The following HPSE2 variants were observed in gnomAD, a reference collection of about 807,000 sequenced individuals.
HPSE2 encodes heparanase 2 (inactive).
In HPSE2, 38 loss-of-function variants were observed where a neutral mutation model predicts 60.5. That is an observed-to-expected ratio of 0.63 (90% confidence interval 0.48 to 0.82). The LOEUF is 0.82. Ranked by LOEUF, HPSE2 falls within the 40% of genes least tolerant of loss-of-function variation. HPSE2 has a pLI of 0.00. For synonymous variants in HPSE2, 295 were observed against 293.2 expected, an observed-to-expected ratio of 1.01 and a Z score of -0.06; for missense variants, 713 against 740.4, an observed-to-expected ratio of 0.96 and a Z score of 0.43.
At chr10:99,251,862 CAAAAAAAAAAAA>C in the HPSE2 span, among the ~76,000 whole-genome samples, 5 of 57,288 alleles carry the variant, frequency 8.7e-5, no homozygotes, top group Non-Finnish European at 1.7e-4. Context: ...CTCTCTCTAC[CAAAAAAAAAAAA>C]AAAAAAAAAA....
At chr10:99,226,613 A>C (rs931108296) in intron 2 of HPSE2, among the ~76,000 whole-genome samples, 2 of 152,018 alleles carry the variant, frequency 1.3e-5, no homozygotes, top group African/African-American at 4.8e-5. Flanking sequence ...TGATAAAATG[A>C]TATCTGTCAA....
At position 98,938,614 on chromosome 10, in the gene HPSE2, G is replaced by A. The variant is rs1243116726; in HGVS notation, c.611-194558C>T. Among the ~76,000 whole-genome samples the A allele has an allele frequency of 2.8e-5, 4 of 144,074 alleles. 1 individual carries two copies. Among genetic ancestry groups the A allele is most frequent in the Admixed American group, 6.9e-5 (1 of 14,498 alleles). 94.5% of individuals were successfully genotyped at this position (144,074 alleles called of 152,430 possible). On this transcript the variant is annotated intron_variant, in intron 3 of 11. Transcript: ENST00000370552. The stretch of plus-strand genomic sequence containing the variant: ...AAGACCAAATCTACGTCTGATTGGT[G>A]TACCTGAAAGTGAGGGGGAGAATGC...
chr10:98,483,657 GC>G (rs1293789793), intron 10 of HPSE2, among the ~76,000 whole-genome samples: 1 of 152,132 alleles, frequency 6.6e-6, no homozygotes, highest in Non-Finnish European at 1.5e-5. Flanking sequence ...AGTGGACATG[GC>G]AAAAACCTCT....
intron 3 of HPSE2, among the ~76,000 whole-genome samples, chr10:99,109,291 G>A (rs1844366999): frequency 2.0e-5 from 3 of 152,050 alleles, no homozygotes. Flanking sequence ...AACAGCCTCA[G>A]TTTATCTACC....
intron 2 of HPSE2, among the ~76,000 whole-genome samples, chr10:99,209,325 A>G (rs996566518): frequency 2.6e-5 from 4 of 152,214 alleles, no homozygotes; most frequent in Non-Finnish European, 5.9e-5. Context: ...ACTAGAAACC[A>G]GTAACAGGAA....
chr10:98,896,850 T>C lies in HPSE2; in HGVS notation c.611-152794A>G, dbSNP rs1042050679. On this transcript the variant is annotated intron_variant, in intron 3 of 11. Coordinates refer to ENST00000370552, the MANE Select transcript of HPSE2 (RefSeq NM_021828.5). ...CTGTGACCACAAATTTGGTAACTTA[T>C]ATGAAATGGATCAATTCCTCAGAAG... Among the ~76,000 whole-genome samples, 6 of 152,192 alleles carry C rather than the reference T, an allele frequency of 3.9e-5. No homozygotes were observed. The South Asian group carries it at 6.2e-4, about 16-fold the overall frequency.
intron 3 of HPSE2, among the ~76,000 whole-genome samples, chr10:98,763,660 A>T (rs920027566): frequency 1.3e-5 from 2 of 151,986 alleles, no homozygotes; most frequent in Non-Finnish European, 2.9e-5. Context: ...TTATATATTT[A>T]TCATAAGAAA....
chr10:98,738,177 A>G (rs575116115), intron 4 of HPSE2, among the ~76,000 whole-genome samples: 283 of 152,266 alleles, frequency 1.9e-3, no homozygotes, highest in African/African-American at 6.7e-3. Flanking sequence ...AAATAACACC[A>G]CACATTTACA....
intron 5 of HPSE2, among the ~76,000 whole-genome samples, chr10:98,702,040 G>T (rs921496949): frequency 6.6e-6 from 1 of 152,064 alleles, no homozygotes; most frequent in African/African-American, 2.4e-5. Context: ...AAGACCCATT[G>T]GTGTGCTGTA....
intron 2 of HPSE2, among the ~76,000 whole-genome samples, chr10:99,144,901 G>A (rs1046615125): frequency 2.7e-5 from 4 of 149,550 alleles, no homozygotes; most frequent in African/African-American, 4.8e-5. Context: ...TAGAGCTGCC[G>A]ATCTATGGCT....
chr10:99,235,661 G>GC lies in HPSE2; in HGVS notation c.141dup (p.Pro48AlafsTer17). ...TTCAAACCTGCAGCTCTGTCTACAG[G>GC]CAAGGGTCTCCTGTCTCCAGCCTGG... is the stretch of plus-strand genomic sequence containing the variant. On this transcript the variant is annotated frameshift_variant, in exon 1 of 12. Coordinates refer to ENST00000370552, the MANE Select transcript of HPSE2 (RefSeq NM_021828.5). LOFTEE classifies it high-confidence loss of function. 1 of 1,614,040 alleles carries GC rather than the reference G, an allele frequency of 6.2e-7. No individual in the cohort carries two copies. Among genetic ancestry groups the GC allele is most frequent in the South Asian group, 1.1e-5 (1 of 91,060 alleles).
At chr10:99,045,121 C>T (rs1337851909) in intron 3 of HPSE2, among the ~76,000 whole-genome samples, 1 of 152,094 alleles carries the variant, frequency 6.6e-6, no homozygotes, top group African/African-American at 2.4e-5. Context: ...AGTCATAAAC[C>T]AAACTTCAAT....
chr10:98,614,299 T>G (rs1459711685), intron 9 of HPSE2, among the ~76,000 whole-genome samples: 1 of 151,404 alleles, frequency 6.6e-6, no homozygotes, highest in African/African-American at 2.4e-5. Flanking sequence ...TTGTTTTGTT[T>G]TTTTTTTTTT....
At chr10:99,102,542 C>G (rs1475831099) in intron 3 of HPSE2, among the ~76,000 whole-genome samples, 1 of 152,172 alleles carries the variant, frequency 6.6e-6, no homozygotes, top group African/African-American at 2.4e-5. Context: ...CAGCCGAATT[C>G]TACCAGCGGT....
intron 3 of HPSE2, among the ~76,000 whole-genome samples, chr10:98,905,317 G>A (rs10883226): frequency 7.4e-6 from 1 of 135,532 alleles, no homozygotes; most frequent in African/African-American, 2.7e-5. Flanking sequence ...CCCCTCCCCC[G>A]ACCCCACCAC....
intron 3 of HPSE2, among the ~76,000 whole-genome samples, chr10:98,882,928 T>C (rs1953065102): frequency 6.6e-6 from 1 of 152,036 alleles, no homozygotes; most frequent in Non-Finnish European, 1.5e-5. Flanking sequence ...TATTAGCAGG[T>C]TGTTGTTATA....
chr10:98,938,150 A>G lies in HPSE2; in HGVS notation c.611-194094T>C, dbSNP rs562237107. ...CACAAAGATGGGGAAAAAACAGAGC[A>G]GAAAAACTGGAAATTCTAAAAAGCA... On this transcript the variant is annotated intron_variant, in intron 3 of 11. Coordinates refer to ENST00000370552, the MANE Select transcript of HPSE2 (RefSeq NM_021828.5). Among the ~76,000 whole-genome samples, 5 of 144,142 alleles carry G rather than the reference A, an allele frequency of 3.5e-5. No homozygotes were observed. In the South Asian group the frequency reaches 1.0e-3, roughly 30 times the overall value. 94.6% of individuals were successfully genotyped at this position (144,142 alleles called of 152,430 possible). A position where few individuals can be genotyped will look rare whatever the true frequency, so the allele number is the denominator to read the frequency against.
chr10:99,213,486 A>C (rs1849017293), intron 2 of HPSE2, among the ~76,000 whole-genome samples: 1 of 152,134 alleles, frequency 6.6e-6, no homozygotes. Flanking sequence ...GGCAAAAAAA[A>C]CAAAAAACAC....
chr10:98,763,565 T>C (rs901701848), intron 3 of HPSE2, among the ~76,000 whole-genome samples: 1 of 152,070 alleles, frequency 6.6e-6, no homozygotes. Flanking sequence ...TCAAACATTT[T>C]CTCTATCTGG....
Sources: gnomAD v4.1 joint callset for allele counts (sites outside exome capture counted in the v4.1 genomes callset) on GRCh38, gnomAD v4.1.1 for gene constraint, MANE v1.5 for transcripts, NCBI Gene and HGNC (gene_info 2026-07-23, HGNC 2026-07-21) for gene names.